IL1RAPL2: variants seen among roughly 807,000 people sequenced by gnomAD.
IL1RAPL2 encodes the protein X-linked interleukin-1 receptor accessory protein-like 2.
IL1RAPL2 carries 3 observed loss-of-function variants against 44.1 expected under a neutral mutation model. The ratio of observed to expected loss-of-function variants is 0.07; its 90% CI spans 0.03 to 0.18. The LOEUF is 0.18. IL1RAPL2 is among the 10% of genes least tolerant of loss of function. The probability of loss-of-function intolerance (pLI) is 1.00; values close to 1 mark genes in which losing one functional copy is unlikely to be tolerated. For missense variants in IL1RAPL2, 391 were observed against 496.4 expected (o/e 0.79, Z 2.02); for synonymous variants, 181 against 178.8 (o/e 1.01, Z -0.10).
chrX:105,578,366 G>A (rs936701976), intron 6 of IL1RAPL2, among the ~76,000 whole-genome samples: 3 of 110,649 alleles, frequency 2.7e-5, no homozygotes, highest in Non-Finnish European at 5.7e-5. Context: ...GATCATGACT[G>A]CTCAGCTTGG....
At chrX:105,511,933 A>G (rs1001414802) in intron 6 of IL1RAPL2, among the ~76,000 whole-genome samples, 16 of 105,697 alleles carry the variant, frequency 1.5e-4, no homozygotes, top group Admixed American at 1.3e-3. Context: ...TCCTTTTACA[A>G]GTGGTTGGCT....
chrX:104,946,931 A>C (rs1478080771), intron 2 of IL1RAPL2, among the ~76,000 whole-genome samples: 1 of 93,836 alleles, frequency 1.1e-5, no homozygotes, highest in East Asian at 3.5e-4. Flanking sequence ...GTATATACCC[A>C]GTAATGGGAT....
intron 2 of IL1RAPL2, among the ~76,000 whole-genome samples, chrX:104,694,911 A>G (rs1356613210): frequency 8.9e-6 from 1 of 112,169 alleles, no homozygotes; most frequent in Non-Finnish European, 1.9e-5. Context: ...AAAATCTTGA[A>G]AGCTTCATCA....
chrX:105,752,566 G>T (rs1368342167), intron 9 of IL1RAPL2, among the ~76,000 whole-genome samples: 2 of 112,253 alleles, frequency 1.8e-5, no homozygotes. Context: ...TAGGCAGCAT[G>T]ATTTAGCACA....
chrX:105,669,955 GTTCA>G (rs1439321665), intron 6 of IL1RAPL2, among the ~76,000 whole-genome samples: 1 of 103,849 alleles, frequency 9.6e-6, no homozygotes, highest in Non-Finnish European at 2.0e-5. Context: ...TTAGTTCACG[GTTCA>G]TTATTTTTTG....
chrX:105,178,778 C>T (rs1343744657), intron 2 of IL1RAPL2, among the ~76,000 whole-genome samples: 11 of 111,512 alleles, frequency 9.9e-5, no homozygotes, highest in Non-Finnish European at 1.5e-4. Flanking sequence ...ATCTGTTAGC[C>T]ATTTATATGT....
intron 2 of IL1RAPL2, among the ~76,000 whole-genome samples, chrX:105,061,990 T>A (rs1162584379): frequency 8.9e-6 from 1 of 111,814 alleles, no homozygotes; most frequent in African/African-American, 3.2e-5. Context: ...CCACTCTATA[T>A]CTTTTGATTG....
At chrX:104,733,137 A>G (rs1335739520) in intron 2 of IL1RAPL2, among the ~76,000 whole-genome samples, 3 of 111,844 alleles carry the variant, frequency 2.7e-5, no homozygotes, top group Admixed American at 9.6e-5. Flanking sequence ...AATTAGATAA[A>G]TGTTATTGAC....
At chrX:105,485,531 G>C (rs1460425765) in intron 6 of IL1RAPL2, among the ~76,000 whole-genome samples, 2 of 110,802 alleles carry the variant, frequency 1.8e-5, no homozygotes, top group Non-Finnish European at 3.8e-5. Flanking sequence ...ACCCTGTTGT[G>C]CTATTAAATA....
intron 2 of IL1RAPL2, among the ~76,000 whole-genome samples, chrX:104,839,679 T>C (rs2147634376): frequency 8.9e-6 from 1 of 112,088 alleles, no homozygotes; most frequent in African/African-American, 3.2e-5. Context: ...TTCGTCTTTG[T>C]ACGTCTGGTA....
At chrX:105,030,852 A>G (rs935978675) in intron 2 of IL1RAPL2, among the ~76,000 whole-genome samples, 1 of 111,663 alleles carries the variant, frequency 9.0e-6, no homozygotes, top group Non-Finnish European at 1.9e-5. Flanking sequence ...AATTTTCACG[A>G]TATTGATTCT....
chrX:105,097,726 T>C (rs1229557930), intron 2 of IL1RAPL2, among the ~76,000 whole-genome samples: 2 of 111,570 alleles, frequency 1.8e-5, no homozygotes, highest in Non-Finnish European at 3.8e-5. Flanking sequence ...TCCCATTTTT[T>C]ATGGTTCTCT....
chrX:104,936,970 G>T (rs1242153258), intron 2 of IL1RAPL2, among the ~76,000 whole-genome samples: 1 of 111,803 alleles, frequency 8.9e-6, no homozygotes, highest in Non-Finnish European at 1.9e-5. Flanking sequence ...AGATAGAGTT[G>T]TATTGCTTAG....
chrX:105,067,368 C>T (rs2032150845), intron 2 of IL1RAPL2, among the ~76,000 whole-genome samples: 1 of 111,329 alleles, frequency 9.0e-6, no homozygotes, highest in Non-Finnish European at 1.9e-5. Context: ...TTTAAATGCT[C>T]CATAGTACAT....
intron 2 of IL1RAPL2, among the ~76,000 whole-genome samples, chrX:105,132,494 A>C (rs888946762): frequency 4.5e-5 from 5 of 110,947 alleles, no homozygotes; most frequent in South Asian, 3.7e-4. Context: ...GGGGAAAAAA[A>C]ACACAAGAAC....
intron 2 of IL1RAPL2, among the ~76,000 whole-genome samples, chrX:104,828,920 T>C (rs1921536429): frequency 8.9e-6 from 1 of 112,532 alleles, no homozygotes; most frequent in African/African-American, 3.2e-5. Context: ...GCGGCTTTGT[T>C]TACCCTGTTA....
intron 2 of IL1RAPL2, among the ~76,000 whole-genome samples, chrX:104,811,815 G>C (rs1932983799): frequency 9.0e-6 from 1 of 110,949 alleles, no homozygotes; most frequent in East Asian, 2.9e-4. Flanking sequence ...AAGGTCTGCT[G>C]TCTCTGGTTA....
intron 2 of IL1RAPL2, among the ~76,000 whole-genome samples, chrX:104,762,872 A>T (rs895610176): frequency 8.9e-6 from 1 of 111,773 alleles, no homozygotes; most frequent in Admixed American, 9.4e-5. Context: ...TAGCCCAGGA[A>T]ACCATTTTTT....
intron 1 of IL1RAPL2, among the ~76,000 whole-genome samples, chrX:104,613,230 G>A (rs770973005): frequency 9.0e-6 from 1 of 111,319 alleles, no homozygotes; most frequent in Non-Finnish European, 1.9e-5. Flanking sequence ...GTGGGCATCT[G>A]TGTCTTATTC....
Sources: allele counts gnomAD v4.1 joint callset (sites outside exome capture counted in the v4.1 genomes callset), GRCh38; gene constraint gnomAD v4.1.1; transcripts MANE v1.5; gene names NCBI Gene and HGNC (gene_info 2026-07-23, HGNC 2026-07-21).